Variants in TOGARAM1 observed in about 807,000 individuals in gnomAD.
TOGARAM1 encodes the protein TOG array regulator of axonemal microtubules 1, also known as TOG array regulator of axonemal microtubules protein 1.
Under a neutral mutation model 166.6 loss-of-function variants are expected in TOGARAM1, and 100 were observed. The observed-to-expected ratio is 0.60, with a 90% confidence interval of 0.51 to 0.71. The LOEUF (loss-of-function observed/expected upper bound fraction) is 0.71. Ranked by LOEUF, TOGARAM1 falls within the 30% of genes least tolerant of loss-of-function variation. The pLI, the probability that TOGARAM1 is intolerant of heterozygous loss-of-function variation, is 0.00. For synonymous variants in TOGARAM1, 758 were observed against 763.8 expected (o/e 0.99, Z 0.13); for missense variants, 2,029 against 2,102.7 (o/e 0.96, Z 0.69).
intron 1 of TOGARAM1, among the ~76,000 whole-genome samples, chr14:44,970,619 A>T (rs543310527): frequency 6.6e-6 from 1 of 152,268 alleles, no homozygotes; most frequent in East Asian, 1.9e-4. Flanking sequence ...CCTTGTTTCT[A>T]ATCTTAGTGG....
chr14:45,024,629 T>C (rs898435120), intron 7 of TOGARAM1, among the ~76,000 whole-genome samples: 25 of 152,342 alleles, frequency 1.6e-4, no homozygotes, highest in African/African-American at 5.8e-4. Context: ...GAGCAAATTA[T>C]TCCATTTACT....
intron 1 of TOGARAM1, among the ~76,000 whole-genome samples, chr14:44,987,037 A>AAAATGTTG (rs1218817271): frequency 6.6e-6 from 1 of 151,740 alleles, no homozygotes; most frequent in African/African-American, 2.4e-5. Context: ...AAAAGAAAAA[A>AAAATGTTG]AAATGTTGTT....
At chr14:45,062,701 T>C (rs1037550433) in intron 16 of TOGARAM1, among the ~76,000 whole-genome samples, 1 of 152,202 alleles carries the variant, frequency 6.6e-6, no homozygotes, top group South Asian at 2.1e-4. Flanking sequence ...AAATTATTCA[T>C]TATAAAATAG....
rs1566590272 is a variant in TOGARAM1 at position 44,963,881 on chromosome 14, G to A, written c.1460G>A (p.Arg487Lys). ...EHLKHKHSRV[R>K]EEVVNICICS... The stretch of plus-strand genomic sequence containing the variant: ...CTCAAACATAAGCATTCCAGAGTGA[G>A]AGAGGAGGTGGTGAACATTTGCATC... Residue 487 changes from arginine (R) to lysine (K), a missense_variant, in exon 1 of 20, where the codon AGA (arginine) becomes AAA (lysine). This residue lies in a region of TOGARAM1 where 1,453 missense variants were observed against 1,432.2 expected (regional missense o/e 1.01). Transcript: ENST00000361462. 1.9e-6 allele frequency: 3 copies of A among 1,614,050 alleles called. No homozygotes were observed. Among genetic ancestry groups the A allele is most frequent in the Non-Finnish European group, 2.5e-6 (3 of 1,179,906 alleles).
chr14:45,016,340 G>C (rs1048240065), intron 7 of TOGARAM1, among the ~76,000 whole-genome samples: 1 of 152,210 alleles, frequency 6.6e-6, no homozygotes, highest in Non-Finnish European at 1.5e-5. Flanking sequence ...AGGTTGCAGT[G>C]ATCTGGGATC....
At chr14:44,986,414 C>T (rs111810682) in intron 1 of TOGARAM1, among the ~76,000 whole-genome samples, 9 of 152,178 alleles carry the variant, frequency 5.9e-5, no homozygotes, top group South Asian at 4.2e-4. Context: ...CTCAGCCTCC[C>T]GAGTAGCTAG....
At chr14:45,026,486 C>G (rs1375915942) in intron 8 of TOGARAM1, among the ~76,000 whole-genome samples, 1 of 152,182 alleles carries the variant, frequency 6.6e-6, no homozygotes, top group Non-Finnish European at 1.5e-5. Context: ...AAACCCTCCT[C>G]AGATTGGCTA....
intron 1 of TOGARAM1, among the ~76,000 whole-genome samples, chr14:44,988,234 C>A (rs1388655669): frequency 6.6e-6 from 1 of 151,850 alleles, no homozygotes; most frequent in Non-Finnish European, 1.5e-5. Context: ...TGCACATGTA[C>A]CCTAGAACTT....
chr14:45,071,079 G>A (rs1236526554), intron 18 of TOGARAM1, among the ~76,000 whole-genome samples: 3 of 151,676 alleles, frequency 2.0e-5, no homozygotes, highest in East Asian at 3.9e-4. Context: ...GCACCACCAC[G>A]CCCAGCTAAT....
At chr14:44,981,308 G>A (rs1255876677) in intron 1 of TOGARAM1, among the ~76,000 whole-genome samples, 2 of 151,990 alleles carry the variant, frequency 1.3e-5, no homozygotes, top group Non-Finnish European at 2.9e-5. Flanking sequence ...CATACAGAAC[G>A]AGAGAGAGAG....
Position 45,008,947 on chromosome 14 carries a change from C to T in TOGARAM1, c.2939C>T (p.Ala980Val). 1 of 1,613,990 alleles carries T rather than the reference C, an allele frequency of 6.2e-7. No individual in the cohort carries two copies. The highest frequency in any genetic ancestry group is 1.3e-5 in the African/African-American group (1 of 75,014). Residue 980 changes from alanine to valine, a missense_variant, in exon 6 of 20, where the codon GCA (alanine) becomes GTA (valine). By Grantham distance (64) the Ala-to-Val change is moderately conservative. Around this residue, in one of 2 missense-constraint regions of TOGARAM1, gnomAD observed 1,453 missense variants for 1,432.2 expected, o/e 1.01. Coordinates refer to ENST00000361462, the MANE Select transcript of TOGARAM1 (RefSeq NM_001308120.2). ...HSSLRSLRNSAAKKRAKLSGS... is the reference protein window; with the variant it reads ...HSSLRSLRNSVAKKRAKLSGS... ...TCTCTTAGGTCCCTTCGTAATAGTG[C>T]AGCTAAGAAAAGAGCAAAACTGAGT...
In TOGARAM1 at chr14:45,044,830, C is replaced by A. The variant is rs758833437; in HGVS notation, c.4114C>A (p.Pro1372Thr). The change falls in exon 13 of 20, where the codon CCT becomes ACT. Residue 1372 changes from proline to threonine, a missense_variant. Physicochemically the swap from Pro to Thr is conservative, Grantham distance 38. Around this residue, in one of 2 missense-constraint regions of TOGARAM1, gnomAD observed 576 missense variants for 670.5 expected, o/e 0.86. Transcript: ENST00000361462. ...ALRAMVNNVT[P>T]ARAVVSLING... ...GAGAGCTATGGTTAATAATGTAACT[C>A]CTGCACGTGCAGTTGTTTCTCTTAT... The A allele has an allele frequency of 9.9e-6, 16 of 1,613,492 alleles. No individual in the cohort carries two copies. The Admixed American group carries it at 2.0e-4, about 20-fold the overall frequency.
At chr14:45,062,095 A>C (rs1423777852) in intron 16 of TOGARAM1, among the ~76,000 whole-genome samples, 2 of 152,154 alleles carry the variant, frequency 1.3e-5, no homozygotes, top group Non-Finnish European at 2.9e-5. Context: ...AAGAATGTAC[A>C]TTCTGCTCTT....
intron 5 of TOGARAM1, chr14:45,006,984 T>A (rs187804759): frequency 3.3e-5 from 5 of 152,252 alleles, no homozygotes; most frequent in Admixed American, 3.3e-4. Context: ...AGACAAGGAA[T>A]GCGGTTGCTG....
chr14:44,993,730 A>G (rs1029673998), intron 1 of TOGARAM1, among the ~76,000 whole-genome samples: 1 of 152,220 alleles, frequency 6.6e-6, no homozygotes, highest in Admixed American at 6.5e-5. Context: ...CTATAGCAAA[A>G]CTTAATCTCT....
chr14:44,979,383 A>T (rs1157022619), intron 1 of TOGARAM1, among the ~76,000 whole-genome samples: 1 of 151,994 alleles, frequency 6.6e-6, no homozygotes, highest in African/African-American at 2.4e-5. Flanking sequence ...CTGTGTCCTT[A>T]TGGGGTGGAA....
intron 1 of TOGARAM1, among the ~76,000 whole-genome samples, chr14:44,966,330 G>A (rs1885537338): frequency 6.6e-6 from 1 of 151,292 alleles, no homozygotes; most frequent in Non-Finnish European, 1.5e-5. Context: ...AAAATTAGCT[G>A]GGTGTGGTGG....
At position 44,963,930 on chromosome 14, in the gene TOGARAM1, T is replaced by C; in HGVS notation, c.1509T>C (p.Ser503=). Residue 503 remains serine (S), a synonymous_variant, in exon 1 of 20, where the codon AGT becomes AGC. Transcript: ENST00000361462. Reference sequence around the variant, plus strand: ...TCTGCTCCCTGCTGACCTATCCTAGTGAGGATTTTGACTTGCCCAAACTGT... The same window carrying C: ...TCTGCTCCCTGCTGACCTATCCTAGCGAGGATTTTGACTTGCCCAAACTGT... ...ICICSLLTYP[S]EDFDLPKLSF... The C allele has an allele frequency of 6.2e-7, 1 of 1,613,976 alleles. No homozygotes were observed. Among genetic ancestry groups the C allele is most frequent in the Non-Finnish European group, 8.5e-7 (1 of 1,179,874 alleles).
At chr14:45,036,101 GC>G in intron 11 of TOGARAM1, among the ~76,000 whole-genome samples, 1 of 129,436 alleles carries the variant, frequency 7.7e-6, no homozygotes, top group African/African-American at 2.9e-5. Flanking sequence ...CTACACTGCA[GC>G]CTGAGCAACA....
Sources: gnomAD v4.1 joint callset for allele counts (sites outside exome capture counted in the v4.1 genomes callset) on GRCh38, gnomAD v4.1.1 for gene constraint, gnomAD v4.1.1 regional missense constraint, MANE v1.5 for transcripts, NCBI Gene and HGNC (gene_info 2026-07-23, HGNC 2026-07-21) for gene names.